Variants in VTI1A observed in about 807,000 individuals in gnomAD.
VTI1A encodes vesicle transport through interaction with t-SNAREs 1A.
VTI1A carries 22 observed loss-of-function variants against 34.9 expected under a neutral mutation model. The observed-to-expected ratio is 0.63, with a 90% confidence interval of 0.45 to 0.90. The LOEUF (loss-of-function observed/expected upper bound fraction) is 0.90, where lower values mean the gene tolerates loss of function less well. Ranked by LOEUF, VTI1A falls within the 40% of genes least tolerant of loss-of-function variation. VTI1A has a pLI of 0.00. For synonymous variants in VTI1A, 87 were observed against 97.3 expected, an observed-to-expected ratio of 0.89 and a Z score of 0.62; for missense variants, 268 against 275.6, an observed-to-expected ratio of 0.97 and a Z score of 0.20.
chr10:112,607,768 GC>G (rs1845139721), intron 5 of VTI1A, among the ~76,000 whole-genome samples: 2 of 152,132 alleles, frequency 1.3e-5, no homozygotes, highest in African/African-American at 4.8e-5. Flanking sequence ...CTTGACTGGG[GC>G]TGGAAAATCT....
chr10:112,468,224 A>G (rs909808870), intron 3 of VTI1A, among the ~76,000 whole-genome samples: 26 of 152,138 alleles, frequency 1.7e-4, no homozygotes, highest in African/African-American at 6.0e-4. Flanking sequence ...TGAGAAGTGA[A>G]CGGTCCTTCG....
intron 7 of VTI1A, among the ~76,000 whole-genome samples, chr10:112,756,628 G>A (rs180866301): frequency 8.7e-4 from 132 of 152,278 alleles, no homozygotes; most frequent in Middle Eastern, 3.4e-3. Context: ...AGCTTAGTTG[G>A]AGAGGTGAAA....
downstream of VTI1A, among the ~76,000 whole-genome samples, chr10:112,821,657 C>T (rs567622151): frequency 3.3e-5 from 5 of 152,304 alleles, no homozygotes; most frequent in South Asian, 6.2e-4. Flanking sequence ...ACCACATTTT[C>T]GCGTTACTCT....
chr10:112,789,516 A>T (rs1852393197), intron 7 of VTI1A, among the ~76,000 whole-genome samples: 1 of 149,658 alleles, frequency 6.7e-6, no homozygotes, highest in African/African-American at 2.5e-5. Context: ...TTTATCTGCT[A>T]CTCTCTCTCC....
intron 7 of VTI1A, among the ~76,000 whole-genome samples, chr10:112,780,112 T>TAAAA (rs773277515): frequency 1.7e-4 from 19 of 111,480 alleles, no homozygotes; most frequent in Middle Eastern, 4.5e-3. Context: ...CCTTGTCTCT[T>TAAAA]AAAAAAAAAA....
At chr10:112,783,401 G>GCACACACA (rs58560251) in intron 7 of VTI1A, among the ~76,000 whole-genome samples, 15,381 of 150,304 alleles carry the variant, frequency 0.1, 1,400 homozygotes, top group East Asian at 0.33. Context: ...GCGTGCACGT[G>GCACACACA]CACACACACA....
intron 7 of VTI1A, among the ~76,000 whole-genome samples, chr10:112,718,319 A>G (rs1353991775): frequency 6.6e-6 from 1 of 152,206 alleles, no homozygotes; most frequent in Non-Finnish European, 1.5e-5. Context: ...GGAGTACTGA[A>G]TGCTTCAGGG....
rs146259042 is a variant in VTI1A at position 112,514,936 on chromosome 10, G to C, written c.265-12151G>C. On this transcript the variant is annotated intron_variant, in intron 3 of 7. Coordinates refer to ENST00000393077, the MANE Select transcript of VTI1A (RefSeq NM_145206.4). Reference sequence around the variant, plus strand: ...TTGAGTCTTGACATAAGTCCCTGTTGCTGTAACGTGTAATGCTACAGGTTT... The same window carrying C: ...TTGAGTCTTGACATAAGTCCCTGTTCCTGTAACGTGTAATGCTACAGGTTT... Among the ~76,000 whole-genome samples the C allele has an allele frequency of 8.3e-3, 1,267 of 151,966 alleles. 60 individuals are homozygous for C. Among genetic ancestry groups the C allele is most frequent in the Admixed American group, 0.073 (1,107 of 15,252 alleles).
intron 3 of VTI1A, among the ~76,000 whole-genome samples, chr10:112,475,256 A>G (rs1184496139): frequency 3.3e-5 from 5 of 152,222 alleles, no homozygotes; most frequent in African/African-American, 1.2e-4. Flanking sequence ...CTTCTGTAGA[A>G]TTTTATAACC....
chr10:112,710,787 T>C (rs1849385430), intron 7 of VTI1A, among the ~76,000 whole-genome samples: 1 of 152,082 alleles, frequency 6.6e-6, no homozygotes. Flanking sequence ...CAGTCTGCAT[T>C]GTTGTCCATG....
intron 7 of VTI1A, among the ~76,000 whole-genome samples, chr10:112,690,145 A>AATTC (rs111532160): frequency 4.6e-5 from 7 of 151,578 alleles, no homozygotes. Flanking sequence ...GGTATACTAC[A>AATTC]ATTTATCTAT....
intron 7 of VTI1A, chr10:112,677,907 C>T (rs1321586893): frequency 6.6e-6 from 1 of 152,214 alleles, no homozygotes; most frequent in Non-Finnish European, 1.5e-5. Flanking sequence ...TCAGGAGCCT[C>T]CTCACATTTG....
intron 7 of VTI1A, among the ~76,000 whole-genome samples, chr10:112,706,646 A>G (rs1366700593): frequency 1.3e-5 from 2 of 152,204 alleles, no homozygotes; most frequent in Non-Finnish European, 2.9e-5. Flanking sequence ...TACGGTCTCT[A>G]GAGCTTCTCC....
At chr10:112,819,802 G>A (rs767736155), downstream of VTI1A, among the ~76,000 whole-genome samples, 2 of 152,164 alleles carry the variant, frequency 1.3e-5, no homozygotes, top group Non-Finnish European at 2.9e-5. Flanking sequence ...TGTCTGCTCA[G>A]CCTGTTTGTT....
intron 7 of VTI1A, among the ~76,000 whole-genome samples, chr10:112,759,979 A>G (rs1353798643): frequency 6.6e-6 from 1 of 152,248 alleles, no homozygotes. Context: ...TGGGAGAACA[A>G]TTCCCATCAA....
chr10:112,610,264 A>G (rs1845246872), intron 5 of VTI1A, among the ~76,000 whole-genome samples: 1 of 151,630 alleles, frequency 6.6e-6, no homozygotes, highest in African/African-American at 2.4e-5. Context: ...TGGCCCCAGG[A>G]GTGTCTGTAA....
At chr10:112,644,841 C>T (rs1846710044) in intron 5 of VTI1A, among the ~76,000 whole-genome samples, 1 of 152,090 alleles carries the variant, frequency 6.6e-6, no homozygotes, top group African/African-American at 2.4e-5. Context: ...ACTGATTTAC[C>T]AACCTTAAGC....
intron 5 of VTI1A, among the ~76,000 whole-genome samples, chr10:112,620,191 C>T (rs765569008): frequency 5.9e-5 from 9 of 152,058 alleles, no homozygotes; most frequent in East Asian, 1.9e-4. Context: ...ATTGTTGGAC[C>T]GTAAATCTCT....
chr10:112,696,269 A>G (rs1218884156), intron 7 of VTI1A, among the ~76,000 whole-genome samples: 1 of 152,110 alleles, frequency 6.6e-6, no homozygotes, highest in Non-Finnish European at 1.5e-5. Flanking sequence ...TGACCTGACT[A>G]ACAGTTCTAG....
Sources: allele counts gnomAD v4.1 joint callset (sites outside exome capture counted in the v4.1 genomes callset), GRCh38; gene constraint gnomAD v4.1.1; transcripts MANE v1.5; gene names NCBI Gene and HGNC (gene_info 2026-07-23, HGNC 2026-07-21).